The following DOCK3 variants were observed in gnomAD, a reference collection of about 807,000 sequenced individuals.
The protein encoded by DOCK3 is dedicator of cytokinesis 3, also known as dedicator of cytokinesis protein 3.
Under a neutral mutation model 265.6 loss-of-function variants are expected in DOCK3, and 60 were observed. The ratio of observed to expected loss-of-function variants is 0.23; its 90% CI spans 0.18 to 0.28. The LOEUF (loss-of-function observed/expected upper bound fraction) is 0.28, where lower values mean the gene tolerates loss of function less well. Ranked by LOEUF, DOCK3 falls within the 10% of genes least tolerant of loss-of-function variation. The pLI is 1.00. For synonymous variants in DOCK3, 881 were observed against 938.0 expected, an observed-to-expected ratio of 0.94 and a Z score of 1.11; for missense variants, 1,981 against 2,594.3, an observed-to-expected ratio of 0.76 and a Z score of 5.14.
At chr3:51,008,368 G>T (rs973298824) in intron 5 of DOCK3, among the ~76,000 whole-genome samples, 6 of 152,088 alleles carry the variant, frequency 3.9e-5, no homozygotes, top group Admixed American at 3.9e-4. Context: ...GTATTCCTAG[G>T]TATTTTATTC....
At position 50,675,344 on chromosome 3, in the gene DOCK3, C is replaced by T. The variant is rs2107626512; in HGVS notation, c.37+44C>T. On this transcript the variant is annotated intron_variant, in intron 1 of 52. Transcript: ENST00000266037. The surrounding 1 kb of genome is among the most constrained non-coding windows in gnomAD (Gnocchi z 6.1). ...TGGCCGTGGCGGGGGTTCTGGGGGA[C>T]GCGCCCAGCTCCCGGCCCCGCCTGG... 8.3e-7 allele frequency: 1 copy of T among 1,204,570 alleles called. No homozygotes were observed. The highest frequency in any genetic ancestry group is 1.0e-6 in the Non-Finnish European group (1 of 960,034). 74.6% of individuals were successfully genotyped at this position (1,204,570 alleles called of 1,614,324 possible). A position where few individuals can be genotyped will look rare whatever the true frequency, so the allele number is the denominator to read the frequency against.
intron 1 of DOCK3, among the ~76,000 whole-genome samples, chr3:50,695,949 G>T (rs2035591080): frequency 2.0e-5 from 3 of 152,224 alleles, no homozygotes; most frequent in Non-Finnish European, 1.5e-5. Flanking sequence ...AAAAAGGAAA[G>T]TGATGTACAG....
At chr3:51,227,219 G>A (rs1430249240) in intron 15 of DOCK3, 64 bp from the exon 16 acceptor site, 3 of 1,578,852 alleles carry the variant, frequency 1.9e-6, no homozygotes, top group East Asian at 2.2e-5. Flanking sequence ...AAGTGTCCTA[G>A]TGACACAGAA....
At chr3:50,818,005 C>CCA in intron 2 of DOCK3, among the ~76,000 whole-genome samples, 1 of 152,184 alleles carries the variant, frequency 6.6e-6, no homozygotes, top group East Asian at 1.9e-4. Flanking sequence ...AAGCCTCTGC[C>CCA]GTTGTCCTGG....
intron 4 of DOCK3, among the ~76,000 whole-genome samples, chr3:50,913,203 C>G (rs1330537533): frequency 1.3e-5 from 2 of 152,000 alleles, no homozygotes; most frequent in Non-Finnish European, 2.9e-5. Context: ...CCCTTCAAGG[C>G]TGCGGGTTTT....
At chr3:51,007,253 G>T (rs368445119) in intron 5 of DOCK3, among the ~76,000 whole-genome samples, 11,123 of 152,220 alleles carry the variant, frequency 0.073, 539 homozygotes, top group Non-Finnish European at 0.11. Flanking sequence ...GTGTAAAAGT[G>T]TTCCTATTTC....
rs536353441 is a variant in DOCK3 at position 51,238,512 on chromosome 3, A to C, written c.2102+922A>C. 3.3e-5 allele frequency among the ~76,000 whole-genome samples: 5 copies of C among 151,816 alleles called. No homozygotes were observed. In the East Asian group the frequency reaches 5.8e-4, roughly 18 times the overall value. On this transcript the variant is annotated intron_variant, in intron 21 of 52. Transcript: ENST00000266037. ...CATGTGCAGGTTTGTTATATAGGTA[A>C]ATTTGTGTCATGGAGGTTTGTTGTA... is the stretch of plus-strand genomic sequence containing the variant.
intron 4 of DOCK3, among the ~76,000 whole-genome samples, chr3:50,915,555 T>C (rs180895693): frequency 6.6e-6 from 1 of 152,134 alleles, no homozygotes; most frequent in Admixed American, 6.5e-5. Flanking sequence ...CTCTGGGATA[T>C]GGGGTACTGC....
intron 5 of DOCK3, among the ~76,000 whole-genome samples, chr3:51,010,565 CTT>C (rs1487000872): frequency 6.6e-6 from 1 of 152,086 alleles, no homozygotes; most frequent in East Asian, 1.9e-4. Flanking sequence ...GGTCTTGACT[CTT>C]TATCCAAGTT....
In DOCK3 at chr3:50,713,065, G is replaced by A. The variant is rs1200953977; in HGVS notation, c.37+37765G>A. Among the ~76,000 whole-genome samples, 4 of 152,290 alleles carry A rather than the reference G, an allele frequency of 2.6e-5. No individual in the cohort carries two copies. The East Asian group carries it at 5.8e-4, about 22-fold the overall frequency. On this transcript the variant is annotated intron_variant, in intron 1 of 52. Coordinates refer to ENST00000266037, the MANE Select transcript of DOCK3 (RefSeq NM_004947.5). ...GCATCAGGGGAGTGCACCTTTGTTA[G>A]TTTGAAGATGGGTGAAGAGACATTA...
At chr3:50,880,640 C>T in intron 3 of DOCK3, 1 of 154,252 alleles carries the variant, frequency 6.5e-6, no homozygotes, top group Non-Finnish European at 1.4e-5. Context: ...AATTAATAGC[C>T]TACCAACCAA....
intron 5 of DOCK3, among the ~76,000 whole-genome samples, chr3:50,986,440 A>G (rs567899810): frequency 1.4e-3 from 212 of 152,340 alleles, no homozygotes; most frequent in Non-Finnish European, 2.4e-3. Flanking sequence ...TGCTGTGTGT[A>G]GAATTCACAT....
chr3:51,088,217 T>C (rs937279805), intron 7 of DOCK3, among the ~76,000 whole-genome samples: 1 of 152,082 alleles, frequency 6.6e-6, no homozygotes, highest in African/African-American at 2.4e-5. Context: ...CAAAAAAATG[T>C]GCATCTCTTG....
intron 3 of DOCK3, among the ~76,000 whole-genome samples, chr3:50,889,066 GGTGTGTGTGTGTGTGTGTGTGTGT>G (rs36180907): frequency 7.5e-6 from 1 of 134,192 alleles, no homozygotes; most frequent in Non-Finnish European, 1.6e-5. Context: ...TTAAGCCATG[GGTGTGTGTGTGTGTGTGTGTGTGT>G]GTGTGTGTGT....
intron 11 of DOCK3, 99 bp downstream of exon 11, chr3:51,159,403 T>A: frequency 7.4e-6 from 8 of 1,074,252 alleles, no homozygotes; most frequent in East Asian, 2.4e-5. Flanking sequence ...ATCTTACCTG[T>A]AATTTCAGGT....
At chr3:51,206,663 A>G (rs942608309) in intron 12 of DOCK3, among the ~76,000 whole-genome samples, 1 of 152,214 alleles carries the variant, frequency 6.6e-6, no homozygotes, top group Non-Finnish European at 1.5e-5. Context: ...TGAAGAGGTC[A>G]GAGAGGACCC....
At chr3:51,006,277 T>C (rs2078674913) in intron 5 of DOCK3, among the ~76,000 whole-genome samples, 1 of 140,036 alleles carries the variant, frequency 7.1e-6, no homozygotes, top group Admixed American at 7.1e-5. Context: ...GTAGCACTTA[T>C]CACCTCTAAG....
intron 32 of DOCK3, among the ~76,000 whole-genome samples, chr3:51,315,789 A>T (rs898083478): frequency 6.6e-6 from 1 of 152,028 alleles, no homozygotes; most frequent in Non-Finnish European, 1.5e-5. Flanking sequence ...CTGCTTTGGG[A>T]GATAGAGATT....
intron 9 of DOCK3, among the ~76,000 whole-genome samples, chr3:51,136,343 C>A (rs1352390034): frequency 6.6e-6 from 1 of 152,060 alleles, no homozygotes; most frequent in African/African-American, 2.4e-5. Flanking sequence ...TCTCCTGCCT[C>A]AGCCTCCTGA....
Sources: gnomAD v4.1 joint callset for allele counts (sites outside exome capture counted in the v4.1 genomes callset) on GRCh38, gnomAD v4.1.1 for gene constraint, Gnocchi (gnomAD v3.1) non-coding constraint, MANE v1.5 for transcripts, NCBI Gene and HGNC (gene_info 2026-07-23, HGNC 2026-07-21) for gene names.